PTPRT: variants seen among roughly 807,000 people sequenced by gnomAD.
The protein encoded by PTPRT is protein tyrosine phosphatase receptor type T, also known as receptor-type tyrosine-protein phosphatase T.
PTPRT carries 56 observed loss-of-function variants against 176.8 expected under a neutral mutation model. The observed-to-expected ratio is 0.32, with a 90% confidence interval of 0.26 to 0.40. The LOEUF (loss-of-function observed/expected upper bound fraction) is 0.40, where lower values mean the gene tolerates loss of function less well. PTPRT is among the 10% of genes least tolerant of loss of function. The pLI is 1.00. For missense variants in PTPRT, 1,540 were observed against 1,908.2 expected (o/e 0.81, Z 3.60); for synonymous variants, 783 against 739.0 (o/e 1.06, Z -0.96).
chr20:42,449,946 CT>C (rs1369386639), intron 8 of PTPRT, among the ~76,000 whole-genome samples: 1 of 151,922 alleles, frequency 6.6e-6, no homozygotes, highest in Non-Finnish European at 1.5e-5. Context: ...AAAGATATGC[CT>C]ATGCATATAT....
chr20:42,064,239 T>C, the PTPRT span, among the ~76,000 whole-genome samples: 2 of 152,268 alleles, frequency 1.3e-5, no homozygotes, highest in East Asian at 1.9e-4. Context: ...GTTTATGTTT[T>C]TCATATTAAC....
chr20:42,457,882 G>A (rs1251342978), intron 8 of PTPRT, among the ~76,000 whole-genome samples: 5 of 152,096 alleles, frequency 3.3e-5, no homozygotes, highest in Middle Eastern at 3.2e-3. Context: ...TGCCCTGGAC[G>A]TAGGCTTGGA....
At chr20:42,407,922 ACAT>A (rs1315946739) in intron 9 of PTPRT, among the ~76,000 whole-genome samples, 11 of 152,170 alleles carry the variant, frequency 7.2e-5, no homozygotes, top group Non-Finnish European at 1.3e-4. Flanking sequence ...AGGAAAAAAT[ACAT>A]TTGATGGGAA....
chr20:42,952,912 T>C (rs1981343182), intron 1 of PTPRT, among the ~76,000 whole-genome samples: 1 of 152,168 alleles, frequency 6.6e-6, no homozygotes, highest in South Asian at 2.1e-4. Context: ...AGACGGTGGA[T>C]TCTTTTGTAT....
chr20:43,088,841 C>T (rs1364183722), intron 1 of PTPRT, among the ~76,000 whole-genome samples: 1 of 152,140 alleles, frequency 6.6e-6, no homozygotes, highest in Non-Finnish European at 1.5e-5. Context: ...GGAAGAACTT[C>T]TCACTCTGAA....
chr20:42,628,829 T>A (rs1212197805), intron 7 of PTPRT, among the ~76,000 whole-genome samples: 1 of 152,196 alleles, frequency 6.6e-6, no homozygotes, highest in Non-Finnish European at 1.5e-5. Flanking sequence ...TGACACAATT[T>A]CAGCAGAGTG....
chr20:42,362,410 GA>G (rs36102289), intron 9 of PTPRT, among the ~76,000 whole-genome samples: 7 of 147,812 alleles, frequency 4.7e-5, no homozygotes, highest in Non-Finnish European at 7.5e-5. Context: ...ACATCAGAAA[GA>G]AAAAAAAAAC....
chr20:42,305,368 T>TA (rs1008863689), intron 12 of PTPRT, among the ~76,000 whole-genome samples: 48 of 144,578 alleles, frequency 3.3e-4, no homozygotes, highest in Non-Finnish European at 4.0e-4. Context: ...AAAATAAAAG[T>TA]AAAAAAAAAA....
intron 1 of PTPRT, among the ~76,000 whole-genome samples, chr20:43,112,202 CCTT>C (rs1191301449): frequency 6.6e-6 from 1 of 152,196 alleles, no homozygotes; most frequent in East Asian, 1.9e-4. Context: ...TCTAACAGCT[CCTT>C]CTCATCTTTT....
Position 42,930,125 on chromosome 20 carries a change from C to T in PTPRT, c.89-44193G>A, listed in dbSNP as rs57261976. ...GTTTCTGATAAAGGAGGGAAGAGGA[C>T]AGGGAAAGGACTTGGGGAGTGCTTA... On this transcript the variant is annotated intron_variant, in intron 1 of 30. Coordinates refer to ENST00000373187, the MANE Select transcript of PTPRT (RefSeq NM_007050.6). Among the ~76,000 whole-genome samples the T allele has an allele frequency of 6.9e-3, 1,044 of 152,304 alleles. 3 individuals are homozygous for T. Among genetic ancestry groups the T allele is most frequent in the Non-Finnish European group, 0.011 (741 of 68,038 alleles).
At chr20:43,000,183 A>G (rs1015588214) in intron 1 of PTPRT, among the ~76,000 whole-genome samples, 4 of 152,156 alleles carry the variant, frequency 2.6e-5, no homozygotes, top group Non-Finnish European at 5.9e-5. Context: ...CTAAAGGGCT[A>G]AATAACTCAA....
rs57186069 is a variant in PTPRT, at chr20:42,778,254, A to G, written c.568+1964T>C. On this transcript the variant is annotated intron_variant, in intron 4 of 30. Transcript: ENST00000373187. ...GAAAAAGGATGCATTTGCTTGTGAC[A>G]GCAAACCATGGTCAGTGCTTGGAGG... Among the ~76,000 whole-genome samples, 776 of 152,318 alleles carry G rather than the reference A, an allele frequency of 5.1e-3. 10 individuals carry two copies. Among genetic ancestry groups the G allele is most frequent in the African/African-American group, 0.018 (746 of 41,568 alleles).
At chr20:42,661,067 TC>T (rs772980196) in intron 7 of PTPRT, among the ~76,000 whole-genome samples, 1 of 152,106 alleles carries the variant, frequency 6.6e-6, no homozygotes, top group Non-Finnish European at 1.5e-5. Flanking sequence ...GCCAGCCTGG[TC>T]TAGAACTCCT....
intron 7 of PTPRT, among the ~76,000 whole-genome samples, chr20:42,539,904 C>T (rs757029123): frequency 6.6e-6 from 1 of 151,800 alleles, no homozygotes; most frequent in African/African-American, 2.4e-5. Context: ...GTGGGTATTA[C>T]AGAACCAATC....
chr20:42,430,866 G>A (rs2145800800), intron 9 of PTPRT, among the ~76,000 whole-genome samples: 1 of 152,298 alleles, frequency 6.6e-6, no homozygotes, highest in African/African-American at 2.4e-5. Context: ...GCTGCCAAAG[G>A]CCTTCTTCCC....
chr20:43,061,023 G>C lies in PTPRT; in HGVS notation c.88+128623C>G, dbSNP rs113085141. 6.5e-3 allele frequency among the ~76,000 whole-genome samples: 994 copies of C among 152,190 alleles called. 10 individuals carry two copies. The highest frequency in any genetic ancestry group is 0.023 in the African/African-American group (965 of 41,498). On this transcript the variant is annotated intron_variant, in intron 1 of 30. Transcript: ENST00000373187. ...TTTAAAATAGATAGCTAGATATCTA[G>C]ATAGCCAGATCTGTAGGTAGGTGGG...
chr20:43,160,752 G>A (rs921583957), intron 1 of PTPRT, among the ~76,000 whole-genome samples: 1 of 152,106 alleles, frequency 6.6e-6, no homozygotes, highest in East Asian at 1.9e-4. Context: ...CCAGAATAGT[G>A]GTTAACATTG....
intron 1 of PTPRT, among the ~76,000 whole-genome samples, chr20:42,966,631 G>A (rs1982310600): frequency 6.6e-6 from 1 of 152,110 alleles, no homozygotes; most frequent in Non-Finnish European, 1.5e-5. Flanking sequence ...TCTTCACCTG[G>A]GTGTCAAGAG....
intron 12 of PTPRT, among the ~76,000 whole-genome samples, chr20:42,286,965 C>T (rs1388142376): frequency 6.6e-6 from 1 of 151,762 alleles, no homozygotes; most frequent in African/African-American, 2.4e-5. Flanking sequence ...AGGAGATATA[C>T]AAATGGCCAA....
Sources: gnomAD v4.1 joint callset for allele counts (sites outside exome capture counted in the v4.1 genomes callset) on GRCh38, gnomAD v4.1.1 for gene constraint, MANE v1.5 for transcripts, NCBI Gene and HGNC (gene_info 2026-07-23, HGNC 2026-07-21) for gene names.